The following SRGAP1 variants were observed in gnomAD, a reference collection of about 807,000 sequenced individuals.
The protein encoded by SRGAP1 is SLIT-ROBO Rho GTPase-activating protein 1.
In SRGAP1, 43 loss-of-function variants were observed where a neutral mutation model predicts 121.9. The observed-to-expected ratio is 0.35, with a 90% CI of 0.28 to 0.46. SRGAP1 has a LOEUF of 0.46. Ranked by LOEUF, SRGAP1 falls within the 20% of genes least tolerant of loss-of-function variation. SRGAP1 has a pLI of 1.00. For missense variants in SRGAP1, 1,102 were observed against 1,350.9 expected, an observed-to-expected ratio of 0.82 and a Z score of 2.89; for synonymous variants, 447 against 485.4, an observed-to-expected ratio of 0.92 and a Z score of 1.04.
chr12:64,051,458 CTCTT>C (rs2035238002), intron 6 of SRGAP1, among the ~76,000 whole-genome samples: 1 of 152,150 alleles, frequency 6.6e-6, no homozygotes, highest in Admixed American at 6.6e-5. Context: ...TTCAGCAAAA[CTCTT>C]TCTTACAGTA....
At position 64,149,559 on chromosome 12, in the gene SRGAP1, A is replaced by C. The variant is rs1016305646; in HGVS notation, c.*6887A>C. 1.3e-5 allele frequency: 2 copies of C among 152,398 alleles called. No homozygotes were observed. The highest frequency in any genetic ancestry group is 2.9e-5 in the Non-Finnish European group (2 of 68,238). The allele number at this position is 152,398 out of a possible 1,614,324, so 9.4% of individuals were successfully genotyped here. A position where few individuals can be genotyped will look rare whatever the true frequency, so the allele number is the denominator to read the frequency against. The stretch of plus-strand genomic sequence containing the variant: ...CCTGCCACGACCATCTCCTGTTGAG[A>C]AAATTGCGCCTGCCTCCCCATCTCT... On this transcript the variant is annotated 3_prime_UTR_variant, in exon 22 of 22. Coordinates refer to ENST00000355086, the MANE Select transcript of SRGAP1 (RefSeq NM_020762.4).
intron 1 of SRGAP1, among the ~76,000 whole-genome samples, chr12:63,935,539 A>G (rs2031636280): frequency 6.6e-6 from 1 of 152,194 alleles, no homozygotes; most frequent in Non-Finnish European, 1.5e-5. Context: ...AAGCAGTAGA[A>G]TGGCTTCAAT....
intron 1 of SRGAP1, 120 bp from the exon 2 acceptor site, chr12:63,983,827 T>G: frequency 1.0e-5 from 1 of 96,438 alleles, no homozygotes; most frequent in Non-Finnish European, 2.0e-5. Context: ...TATATATATA[T>G]ATATATATAT....
chr12:63,916,844 C>T (rs923592220), intron 1 of SRGAP1, among the ~76,000 whole-genome samples: 1 of 152,202 alleles, frequency 6.6e-6, no homozygotes, highest in Admixed American at 6.5e-5. Context: ...AAGTACTCTT[C>T]TGCTCCACCC....
chr12:64,113,422 A>G (rs987151583), intron 17 of SRGAP1, among the ~76,000 whole-genome samples: 11 of 152,138 alleles, frequency 7.2e-5, no homozygotes, highest in African/African-American at 2.2e-4. Flanking sequence ...AAATAAAAAA[A>G]TTTAGAAGGA....
intron 1 of SRGAP1, among the ~76,000 whole-genome samples, chr12:63,874,446 G>T (rs536887891): frequency 6.6e-6 from 1 of 152,024 alleles, no homozygotes; most frequent in South Asian, 2.1e-4. Flanking sequence ...CTCGTGATCC[G>T]CCTGCCTCGA....
chr12:64,122,144 A>G (rs564379368), intron 18 of SRGAP1, among the ~76,000 whole-genome samples: 1 of 152,364 alleles, frequency 6.6e-6, no homozygotes, highest in East Asian at 1.9e-4. Flanking sequence ...TGGAAATATA[A>G]GATTTGACAG....
At chr12:63,966,438 T>C (rs886848002) in intron 1 of SRGAP1, among the ~76,000 whole-genome samples, 1 of 152,088 alleles carries the variant, frequency 6.6e-6, no homozygotes, top group African/African-American at 2.4e-5. Flanking sequence ...AAAAAGAAAA[T>C]CCTCATTATG....
At chr12:64,141,961 C>T (rs1013216232) in intron 21 of SRGAP1, among the ~76,000 whole-genome samples, 1 of 152,124 alleles carries the variant, frequency 6.6e-6, no homozygotes, top group African/African-American at 2.4e-5. Flanking sequence ...CTGCACTCTG[C>T]CTGGCTAACA....
chr12:64,128,272 T>A, intron 21 of SRGAP1, 72 bp downstream of exon 21: 1 of 1,334,074 alleles, frequency 7.5e-7, no homozygotes, highest in Non-Finnish European at 1.0e-6. Flanking sequence ...AAGATTTACT[T>A]TATTTACTTT....
rs1307762364 is a variant in SRGAP1, at chr12:64,042,903, C to T, written c.603C>T (p.Phe201=). The part of the protein sequence containing the change: ...KQIGRSGDPV[F]HIRLEERHQR... ...TTGGGAGATCTGGTGATCCAGTCTT[C>T]CATATTCGACTAGAGGAGAGACATC... The change falls in exon 5 of 22, where the codon TTC becomes TTT. Residue 201 remains phenylalanine, a synonymous_variant. Coordinates refer to ENST00000355086, the MANE Select transcript of SRGAP1 (RefSeq NM_020762.4). The T allele has an allele frequency of 6.2e-7, 1 of 1,613,616 alleles. No homozygotes were observed. The highest frequency in any genetic ancestry group is 2.2e-5 in the East Asian group (1 of 44,796).
chr12:64,045,031 A>G (rs985867881), intron 6 of SRGAP1, among the ~76,000 whole-genome samples: 1 of 152,020 alleles, frequency 6.6e-6, no homozygotes, highest in African/African-American at 2.4e-5. Context: ...TCTCAAAACA[A>G]CTTTATCCTA....
intron 10 of SRGAP1, among the ~76,000 whole-genome samples, chr12:64,085,990 A>G (rs2035929876): frequency 6.6e-6 from 1 of 152,226 alleles, no homozygotes; most frequent in Non-Finnish European, 1.5e-5. Context: ...TCAAGAGGAG[A>G]TAATAGAGTC....
At chr12:64,019,759 G>A (rs1033274254) in intron 4 of SRGAP1, among the ~76,000 whole-genome samples, 39 of 152,190 alleles carry the variant, frequency 2.6e-4, no homozygotes, top group African/African-American at 8.7e-4. Context: ...TTGGAGGAAT[G>A]TAGTTTAGGT....
At chr12:64,061,251 CT>C (rs1161400805) in intron 6 of SRGAP1, among the ~76,000 whole-genome samples, 4 of 152,100 alleles carry the variant, frequency 2.6e-5, no homozygotes, top group African/African-American at 9.7e-5. Context: ...AATAAGCAGA[CT>C]TTGGCAATCA....
intron 6 of SRGAP1, among the ~76,000 whole-genome samples, chr12:64,049,221 G>A (rs953554315): frequency 2.6e-5 from 4 of 152,234 alleles, no homozygotes; most frequent in East Asian, 3.9e-4. Context: ...TTCTGCATAC[G>A]GGTATCCAAC....
chr12:64,035,056 A>G (rs75246008), intron 4 of SRGAP1, among the ~76,000 whole-genome samples: 2 of 110,778 alleles, frequency 1.8e-5, no homozygotes, highest in African/African-American at 3.2e-5. Context: ...AAAAAAAAAA[A>G]AAAAAGAAAA....
At chr12:64,043,379 A>G (rs770060453) in intron 5 of SRGAP1, 68 bp from the exon 6 acceptor site, 11 of 1,471,702 alleles carry the variant, frequency 7.5e-6, no homozygotes, top group African/African-American at 1.4e-5. Flanking sequence ...AAATGCATGT[A>G]TGTTTCTCTG....
chr12:64,076,654 T>A (rs1909326), intron 8 of SRGAP1, among the ~76,000 whole-genome samples: 1,952 of 147,990 alleles, frequency 0.013, 39 homozygotes, highest in African/African-American at 0.046. Flanking sequence ...GAAAAAAAAA[T>A]TTTTTTTTTT....
Sources: allele counts gnomAD v4.1 joint callset (sites outside exome capture counted in the v4.1 genomes callset), GRCh38; gene constraint gnomAD v4.1.1; transcripts MANE v1.5; gene names NCBI Gene and HGNC (gene_info 2026-07-23, HGNC 2026-07-21).